NIPBL: variants seen among roughly 807,000 people sequenced by gnomAD.
The protein encoded by NIPBL is nipped-B-like protein.
A neutral mutation model predicts 321.8 loss-of-function variants in NIPBL; 19 were observed. The ratio of observed to expected loss-of-function variants is 0.06; its 90% CI spans 0.04 to 0.09. NIPBL has a LOEUF of 0.09. NIPBL is among the 10% of genes least tolerant of loss of function. The probability of loss-of-function intolerance (pLI) is 1.00; values close to 1 mark genes in which losing one functional copy is unlikely to be tolerated. For missense variants in NIPBL, 2,210 were observed against 3,327.0 expected (o/e 0.66, Z 8.26); for synonymous variants, 1,106 against 1,114.1 (o/e 0.99, Z 0.14).
chr5:36,952,684 C>T (rs1740526773), intron 1 of NIPBL, among the ~76,000 whole-genome samples: 1 of 152,076 alleles, frequency 6.6e-6, no homozygotes, highest in Non-Finnish European at 1.5e-5. Flanking sequence ...AAATACTGAA[C>T]ATTAAAGTCA....
intron 4 of NIPBL, 122 bp downstream of exon 4, chr5:36,958,353 G>A (rs1303403990): frequency 1.1e-6 from 1 of 871,218 alleles, no homozygotes. Flanking sequence ...GTCAAGCCAA[G>A]AACAAGAAGG....
At chr5:36,928,982 C>A (rs1449889767) in intron 1 of NIPBL, among the ~76,000 whole-genome samples, 1 of 152,058 alleles carries the variant, frequency 6.6e-6, no homozygotes, top group East Asian at 1.9e-4. Flanking sequence ...ATGGAGAAAT[C>A]TTTGTGTAGA....
intron 1 of NIPBL, among the ~76,000 whole-genome samples, chr5:36,944,985 A>T (rs1237004599): frequency 6.6e-6 from 1 of 152,152 alleles, no homozygotes; most frequent in Non-Finnish European, 1.5e-5. Flanking sequence ...TGCATTTCTA[A>T]TACAATTGTG....
intron 43 of NIPBL, among the ~76,000 whole-genome samples, chr5:37,058,478 A>G (rs1754329662): frequency 1.3e-5 from 2 of 152,230 alleles, no homozygotes; most frequent in Non-Finnish European, 2.9e-5. Context: ...TCTTGCCGAA[A>G]TGTTCTTGAA....
rs1051720634 is a variant in NIPBL, at chr5:36,970,869, A to G, written c.611-7A>G. 2 of 1,611,364 alleles carry G rather than the reference A, an allele frequency of 1.2e-6. No individual in the cohort carries two copies. The highest frequency in any genetic ancestry group is 1.7e-5 in the Admixed American group (1 of 59,980). ...ATTAAACCTTTTTTTATTCTTATTA[A>G]TTTCAGCATCGGTATCAAGTCCCAT... On this transcript the variant is annotated splice_polypyrimidine_tract_variant and splice_region_variant and intron_variant, in intron 6 of 46. Transcript: ENST00000282516.
intron 44 of NIPBL, 112 bp downstream of exon 44, chr5:37,059,277 C>T (rs528703178): frequency 5.4e-4 from 601 of 1,117,464 alleles, no homozygotes; most frequent in East Asian, 1.2e-3. Context: ...GAGGCTGAGG[C>T]GGGCAGATCC....
intron 1 of NIPBL, among the ~76,000 whole-genome samples, chr5:36,879,704 C>A (rs1248396627): frequency 1.3e-5 from 2 of 151,996 alleles, no homozygotes; most frequent in Non-Finnish European, 2.9e-5. Flanking sequence ...ACCTTATAAT[C>A]CTAGTTATAT....
At chr5:36,964,071 A>G (rs1329703689) in intron 6 of NIPBL, among the ~76,000 whole-genome samples, 1 of 152,176 alleles carries the variant, frequency 6.6e-6, no homozygotes, top group Non-Finnish European at 1.5e-5. Context: ...GGACCTATTC[A>G]GTATTGTGTC....
In NIPBL at chr5:36,976,295, G is replaced by C; in HGVS notation, c.1388G>C (p.Gly463Ala). The change falls in exon 9 of 47, where the codon GGA (glycine) becomes GCA (alanine). Residue 463 changes from glycine (G) to alanine (A), a missense_variant. Gly to Ala is a moderately conservative substitution (Grantham distance 60). Coordinates refer to ENST00000282516, the MANE Select transcript of NIPBL (RefSeq NM_133433.4). ...AATCAACAACAGATATCACAACAGG[G>C]ACCTATATATGATGAAGTGGAATTG... ...VQNQQQISQQ[G>A]PIYDEVELDA... is the part of the protein sequence containing the mutation. 6.2e-7 allele frequency: 1 copy of C among 1,613,532 alleles called. No individual in the cohort carries two copies.
rs886042816 is a variant in NIPBL at position 36,986,125 on chromosome 5, C to T, written c.2945C>T (p.Pro982Leu). 4.3e-6 allele frequency: 7 copies of T among 1,613,066 alleles called. No individual in the cohort carries two copies. The highest frequency in any genetic ancestry group is 2.2e-5 in the East Asian group (1 of 44,826). ...AAGAAAATGGAAATGAAAGGAGAGCCGAAAGACAAAGTAGAAAAAATAGGA... is the reference window on the plus strand; with the variant it reads ...AAGAAAATGGAAATGAAAGGAGAGCTGAAAGACAAAGTAGAAAAAATAGGA... Reference protein sequence around the residue: ...ETKKMEMKGEPKDKVEKIGLV... With the variant: ...ETKKMEMKGELKDKVEKIGLV... The change falls in exon 10 of 47, where the codon CCG (proline) becomes CTG (leucine). Residue 982 changes from proline (P) to leucine (L), a missense_variant. Physicochemically the swap from Pro to Leu is moderately conservative, Grantham distance 98. Transcript: ENST00000282516.
At chr5:36,927,129 C>T (rs1001322080) in intron 1 of NIPBL, among the ~76,000 whole-genome samples, 1 of 152,064 alleles carries the variant, frequency 6.6e-6, no homozygotes, top group African/African-American at 2.4e-5. Context: ...TTTTGTATCA[C>T]GACTTGAGTT....
chr5:36,970,808 A>G, intron 6 of NIPBL, 68 bp from the exon 7 acceptor site: 1 of 1,331,722 alleles, frequency 7.5e-7, no homozygotes, highest in Non-Finnish European at 1.1e-6. Flanking sequence ...ATATTTGTGA[A>G]TAATTACTAT....
At chr5:37,048,717 ATTATAATGGCTTTATC>A in intron 39 of NIPBL, 42 bp downstream of exon 39, 1 of 1,399,556 alleles carries the variant, frequency 7.1e-7, no homozygotes. Context: ...CTACATTTAT[ATTATAATGGCTTTATC>A]TTCTTTAATC....
At position 37,022,131 on chromosome 5, in the gene NIPBL, C is replaced by T; in HGVS notation, c.5409C>T (p.Asp1803=). Residue 1803 remains aspartate (D), a synonymous_variant, in exon 28 of 47, where the codon GAC becomes GAT. Coordinates refer to ENST00000282516, the MANE Select transcript of NIPBL (RefSeq NM_133433.4). The stretch of plus-strand genomic sequence containing the variant: ...GTTTGTCTGAGGTTGTTGCTGTAGA[C>T]CCCAGTATTCTAGCAAGGGTAAAGA... ...MKCLSEVVAV[D]PSILARLDMQ... 1 of 1,614,038 alleles carries T rather than the reference C, an allele frequency of 6.2e-7. No individual in the cohort carries two copies. The highest frequency in any genetic ancestry group is 8.5e-7 in the Non-Finnish European group (1 of 1,179,924).
Position 37,000,068 on chromosome 5 carries a change from A to C in NIPBL, c.3305-305A>C, listed in dbSNP as rs549302199. On this transcript the variant is annotated intron_variant, in intron 11 of 46. Transcript: ENST00000282516. ...ATCTTGAAGTTTAGGTATAACCCTT[A>C]CTGACTTACTGAATAACTGTCCTTG... Among the ~76,000 whole-genome samples, 4 of 152,310 alleles carry C rather than the reference A, an allele frequency of 2.6e-5. No individual in the cohort carries two copies. The South Asian group carries it at 8.3e-4, about 32-fold the overall frequency.
intron 30 of NIPBL, among the ~76,000 whole-genome samples, chr5:37,025,877 T>C (rs1750210104): frequency 1.3e-5 from 2 of 152,064 alleles, no homozygotes; most frequent in East Asian, 1.9e-4. Context: ...ATATGTATAA[T>C]TGTCCCTTTT....
intron 21 of NIPBL, among the ~76,000 whole-genome samples, chr5:37,010,751 A>G (rs1298289381): frequency 6.6e-6 from 1 of 152,214 alleles, no homozygotes; most frequent in Non-Finnish European, 1.5e-5. Flanking sequence ...TTCTGAGTTT[A>G]TTCTTCAGCT....
At position 37,052,457 on chromosome 5, in the gene NIPBL, A is replaced by G; in HGVS notation, c.7154A>G (p.Asp2385Gly). The change falls in exon 42 of 47, where the codon GAC becomes GGC. Residue 2385 changes from aspartate (D) to glycine (G), a missense_variant. By Grantham distance (94) the Asp-to-Gly change is moderately conservative (BLOSUM62 -1). Transcript: ENST00000282516. Reference sequence around the variant, plus strand: ...GATCCTGTAAGGGGTTTCAGACAAGACGAGTCCTCTAGCGCTTTGTGTTCA... The same window carrying G: ...GATCCTGTAAGGGGTTTCAGACAAGGCGAGTCCTCTAGCGCTTTGTGTTCA... ...LKDPVRGFRQ[D>G]ESSSALCSHL... is the part of the protein sequence containing the mutation. 6.2e-7 allele frequency: 1 copy of G among 1,614,144 alleles called. No homozygotes were observed. Among genetic ancestry groups the G allele is most frequent in the Non-Finnish European group, 8.5e-7 (1 of 1,180,002 alleles).
At chr5:36,935,324 A>G (rs528451071) in intron 1 of NIPBL, among the ~76,000 whole-genome samples, 2 of 152,210 alleles carry the variant, frequency 1.3e-5, no homozygotes, top group African/African-American at 4.8e-5. Flanking sequence ...AAGTTTTCAC[A>G]AGTACCTGAC....
Sources: allele counts gnomAD v4.1 joint callset (sites outside exome capture counted in the v4.1 genomes callset), GRCh38; gene constraint gnomAD v4.1.1; transcripts MANE v1.5; gene names NCBI Gene and HGNC (gene_info 2026-07-23, HGNC 2026-07-21).